The following SPRYD4 variants were observed in gnomAD, a reference collection of about 807,000 sequenced individuals.
The protein encoded by SPRYD4 is SPRY domain-containing protein 4.
A neutral mutation model predicts 16.6 loss-of-function variants in SPRYD4; 12 were observed. The ratio of observed to expected loss-of-function variants is 0.72; its 90% CI spans 0.46 to 1.17. The LOEUF is 1.17. Ranked by LOEUF, SPRYD4 falls within the 50% of genes most tolerant of loss-of-function variation. The probability of loss-of-function intolerance (pLI) is 0.00; values close to 1 mark genes in which losing one functional copy is unlikely to be tolerated. For missense variants in SPRYD4, 260 were observed against 260.2 expected (o/e 1.00, Z 0.00); for synonymous variants, 98 against 105.4 (o/e 0.93, Z 0.43).
At position 56,468,646 on chromosome 12, in the gene SPRYD4, T is replaced by C. The variant is rs773724857; in HGVS notation, c.55T>C (p.Leu19=). The change falls in exon 1 of 2, where the codon TTG becomes CTG. Residue 19 remains leucine, a synonymous_variant. Coordinates refer to ENST00000338146, the MANE Select transcript of SPRYD4 (RefSeq NM_207344.4). ...LRLCRWGAKR[L]GVASTEAQRG... is the part of the protein sequence containing the mutation. ...CTTGTGCCGCTGGGGAGCCAAACGATTGGGAGTTGCCTCCACAGAGGCCCA... is the reference window on the plus strand; with the variant it reads ...CTTGTGCCGCTGGGGAGCCAAACGACTGGGAGTTGCCTCCACAGAGGCCCA... 2.7e-5 allele frequency: 43 copies of C among 1,614,022 alleles called. No homozygotes were observed. Among genetic ancestry groups the C allele is most frequent in the Non-Finnish European group, 3.6e-5 (43 of 1,179,996 alleles).
rs755752839 is a variant in SPRYD4 at position 56,469,198 on chromosome 12, C to T, written c.245C>T (p.Ala82Val). 4 of 1,613,988 alleles carry T rather than the reference C, an allele frequency of 2.5e-6. No homozygotes were observed. In the African/African-American group the frequency reaches 4.0e-5, roughly 16 times the overall value. Residue 82 changes from alanine to valine, a missense_variant, in exon 2 of 2, where the codon GCG (alanine) becomes GTG (valine). Coordinates refer to ENST00000338146, the MANE Select transcript of SPRYD4 (RefSeq NM_207344.4). ...TGGGCAGTGGTGCTGGCAGACACAG[C>T]GGTCACCAGTGGCAGACACTACTGG... Reference protein sequence around the residue: ...REWAVVLADTAVTSGRHYWEV... With the variant: ...REWAVVLADTVVTSGRHYWEV...
chr12:56,475,841 G>T lies in SPRYD4; in HGVS notation c.*6264G>T. The T allele has an allele frequency of 2.1e-6, 3 of 1,422,150 alleles. No individual in the cohort carries two copies. The highest frequency in any genetic ancestry group is 3.0e-6 in the Non-Finnish European group (3 of 1,007,066). 88.1% of individuals were successfully genotyped at this position (1,422,150 alleles called of 1,614,324 possible). A position where few individuals can be genotyped will look rare whatever the true frequency, so the allele number is the denominator to read the frequency against. On this transcript the variant is annotated 3_prime_UTR_variant, in exon 2 of 2. Transcript: ENST00000338146. ...TTCTGGAAATAAGGCTTCTAGTATG[G>T]GCTGGTGCACCTGGTAGTGGGGTTA...
At position 56,469,546 on chromosome 12, in the gene SPRYD4, A is replaced by G. The variant is rs1869148651; in HGVS notation, c.593A>G (p.His198Arg). The G allele has an allele frequency of 1.9e-6, 3 of 1,613,984 alleles. No homozygotes were observed. Among genetic ancestry groups the G allele is most frequent in the Non-Finnish European group, 2.5e-6 (3 of 1,179,952 alleles). The change falls in exon 2 of 2, where the codon CAT becomes CGT. Residue 198 changes from histidine (H) to arginine (R), a missense_variant. Transcript: ENST00000338146. ...FALWDGELLT[H>R]SGLEVPEGL ...CTCTGGGATGGGGAGCTGCTGACCC[A>G]TTCAGGGCTTGAGGTGCCCGAGGGC...
Position 56,469,575 on chromosome 12 carries a change from T to C in SPRYD4, c.622T>C (p.Ter208GlnextTer8), listed in dbSNP as rs762398224. The C allele has an allele frequency of 1.9e-6, 3 of 1,611,694 alleles. No homozygotes were observed. Among genetic ancestry groups the C allele is most frequent in the Non-Finnish European group, 2.5e-6 (3 of 1,178,606 alleles). ...AGGGCTTGAGGTGCCCGAGGGCCTCTAGTATGTCCATTACTGGAGTCCCTA... is the reference window on the plus strand; with the variant it reads ...AGGGCTTGAGGTGCCCGAGGGCCTCCAGTATGTCCATTACTGGAGTCCCTA... The part of the protein sequence containing the change: ...HSGLEVPEGL[*>Q] The change falls in exon 2 of 2, where the codon TAG becomes CAG. Residue 208 changes from the stop codon to glutamine, a stop_lost. Transcript: ENST00000338146.
Position 56,471,947 on chromosome 12 carries a change from C to T in SPRYD4, c.*2370C>T. 3.0e-6 allele frequency: 4 copies of T among 1,318,178 alleles called. No individual in the cohort carries two copies. The highest frequency in any genetic ancestry group is 2.5e-4 in the Middle Eastern group (1 of 3,968). The allele number at this position is 1,318,178 out of a possible 1,614,324, so 81.7% of individuals were successfully genotyped here. On this transcript the variant is annotated 3_prime_UTR_variant, in exon 2 of 2. Transcript: ENST00000338146. ...GAGGGGAGGGGAAAAGGCCTCTTCC[C>T]ATTTTGTACCCTGCAGCACTCAGTC...
rs184128790 is a variant in SPRYD4, at chr12:56,478,937, T to G, written c.*9360T>G. ...AGGTGGAGGTTGCAGTGAGCTGAGA[T>G]TGCACCATTGCACTCCAGCCCGGGT... On this transcript the variant is annotated 3_prime_UTR_variant, in exon 2 of 2. Coordinates refer to ENST00000338146, the MANE Select transcript of SPRYD4 (RefSeq NM_207344.4). 5.2e-6 allele frequency: 7 copies of G among 1,337,106 alleles called. No individual in the cohort carries two copies. In the African/African-American group the frequency reaches 8.9e-5, roughly 17 times the overall value. 82.8% of individuals were successfully genotyped at this position (1,337,106 alleles called of 1,614,324 possible). A position where few individuals can be genotyped will look rare whatever the true frequency, so the allele number is the denominator to read the frequency against.
Position 56,472,597 on chromosome 12 carries a change from G to T in SPRYD4, c.*3020G>T. ...AATCTATATCCATTCTAATTCCAAA[G>T]CTGAAGCACTTAACTATTTTGTTAC... On this transcript the variant is annotated 3_prime_UTR_variant, in exon 2 of 2. Transcript: ENST00000338146. 8.6e-7 allele frequency: 1 copy of T among 1,164,218 alleles called. No individual in the cohort carries two copies. Among genetic ancestry groups the T allele is most frequent in the Non-Finnish European group, 1.3e-6 (1 of 781,660 alleles). The allele number at this position is 1,164,218 out of a possible 1,614,324, so 72.1% of individuals were successfully genotyped here.
Position 56,474,380 on chromosome 12 carries a change from G to T in SPRYD4, c.*4803G>T. ...ATCTCTTTATATATTCGAGGAACTT[G>T]GTGTTTTTGAGAAACTCGTCTAAGG... On this transcript the variant is annotated 3_prime_UTR_variant, in exon 2 of 2. Coordinates refer to ENST00000338146, the MANE Select transcript of SPRYD4 (RefSeq NM_207344.4). 1.3e-6 allele frequency: 1 copy of T among 777,888 alleles called. No individual in the cohort carries two copies. The highest frequency in any genetic ancestry group is 2.0e-6 in the Non-Finnish European group (1 of 494,140). 48.2% of individuals were successfully genotyped at this position (777,888 alleles called of 1,614,324 possible). A position where few individuals can be genotyped will look rare whatever the true frequency, so the allele number is the denominator to read the frequency against.
chr12:56,475,412 CCT>C lies in SPRYD4; in HGVS notation c.*5841_*5842del. ...GGCTTAGGCACAAACCATCACACTGCCTCTCTCATTATGTACTAATTAGAAAT... is the reference window on the plus strand; with the variant it reads ...GGCTTAGGCACAAACCATCACACTGCCTCTCATTATGTACTAATTAGAAAT... On this transcript the variant is annotated 3_prime_UTR_variant, in exon 2 of 2. Coordinates refer to ENST00000338146, the MANE Select transcript of SPRYD4 (RefSeq NM_207344.4). 1 of 703,040 alleles carries C rather than the reference CCT, an allele frequency of 1.4e-6. No homozygotes were observed. The highest frequency in any genetic ancestry group is 2.3e-6 in the Non-Finnish European group (1 of 429,964). The allele number at this position is 703,040 out of a possible 1,614,324, so 43.6% of individuals were successfully genotyped here.
Position 56,475,414 on chromosome 12 carries a change from T to G in SPRYD4, c.*5837T>G. ...CTTAGGCACAAACCATCACACTGCC[T>G]CTCTCATTATGTACTAATTAGAAAT... On this transcript the variant is annotated 3_prime_UTR_variant, in exon 2 of 2. Coordinates refer to ENST00000338146, the MANE Select transcript of SPRYD4 (RefSeq NM_207344.4). 1.4e-6 allele frequency: 1 copy of G among 701,794 alleles called. No individual in the cohort carries two copies. Among genetic ancestry groups the G allele is most frequent in the African/African-American group, 1.8e-5 (1 of 55,802 alleles). The allele number at this position is 701,794 out of a possible 1,614,324, so 43.5% of individuals were successfully genotyped here.
rs1869807019 is a variant in SPRYD4, at chr12:56,476,277, T to G, written c.*6700T>G. 1 of 361,934 alleles carries G rather than the reference T, an allele frequency of 2.8e-6. No individual in the cohort carries two copies. The allele number at this position is 361,934 out of a possible 1,614,324, so 22.4% of individuals were successfully genotyped here. A position where few individuals can be genotyped will look rare whatever the true frequency, so the allele number is the denominator to read the frequency against. ...TCCCAGGCTCAAGCGATCCTCCCACTTCAGCCTCCAAGTAGCTCGGATTAC... is the reference window on the plus strand; with the variant it reads ...TCCCAGGCTCAAGCGATCCTCCCACGTCAGCCTCCAAGTAGCTCGGATTAC... On this transcript the variant is annotated 3_prime_UTR_variant, in exon 2 of 2. Transcript: ENST00000338146.
Position 56,477,740 on chromosome 12 carries a change from AGAGTCTTAGCCACT to A in SPRYD4, c.*8166_*8179del. 1 of 1,607,896 alleles carries A rather than the reference AGAGTCTTAGCCACT, an allele frequency of 6.2e-7. No homozygotes were observed. The highest frequency in any genetic ancestry group is 8.5e-7 in the Non-Finnish European group (1 of 1,176,854). ...ATTCCTGGGGAAATACAAACCACCA[AGAGTCTTAGCCACT>A]GAACAAAGCCTCCCTGACAGCCCGC... On this transcript the variant is annotated 3_prime_UTR_variant, in exon 2 of 2. Transcript: ENST00000338146.
chr12:56,478,951 T>A lies in SPRYD4; in HGVS notation c.*9374T>A, dbSNP rs905985549. On this transcript the variant is annotated 3_prime_UTR_variant, in exon 2 of 2. Coordinates refer to ENST00000338146, the MANE Select transcript of SPRYD4 (RefSeq NM_207344.4). ...GTGAGCTGAGATTGCACCATTGCAC[T>A]CCAGCCCGGGTGACAGAGCAAAACT... The A allele has an allele frequency of 9.6e-6, 14 of 1,454,458 alleles. No individual in the cohort carries two copies. Among genetic ancestry groups the A allele is most frequent in the Non-Finnish European group, 1.3e-5 (14 of 1,095,074 alleles). 90.1% of individuals were successfully genotyped at this position (1,454,458 alleles called of 1,614,324 possible).
rs755412206 is a variant in SPRYD4 at position 56,475,975 on chromosome 12, C to T, written c.*6398C>T. 1.2e-6 allele frequency: 2 copies of T among 1,613,072 alleles called. No homozygotes were observed. Among genetic ancestry groups the T allele is most frequent in the Admixed American group, 1.7e-5 (1 of 59,980 alleles). On this transcript the variant is annotated 3_prime_UTR_variant, in exon 2 of 2. Coordinates refer to ENST00000338146, the MANE Select transcript of SPRYD4 (RefSeq NM_207344.4). ...CAAACTTCTCTGCTTTGTTACAGTC[C>T]ATCTGCAGAGAAAGAGAGAGATGTC...
At position 56,471,436 on chromosome 12, in the gene SPRYD4, G is replaced by A; in HGVS notation, c.*1859G>A. The A allele has an allele frequency of 6.4e-7, 1 of 1,557,082 alleles. No individual in the cohort carries two copies. The highest frequency in any genetic ancestry group is 8.7e-7 in the Non-Finnish European group (1 of 1,150,162). ...TATTTTTGGTGGTTATGGATTACATGTGTGGCCAGCTCATGCTTTTTCTTG... is the reference window on the plus strand; with the variant it reads ...TATTTTTGGTGGTTATGGATTACATATGTGGCCAGCTCATGCTTTTTCTTG... On this transcript the variant is annotated 3_prime_UTR_variant, in exon 2 of 2. Transcript: ENST00000338146.
In SPRYD4 at chr12:56,475,247, ATAT is replaced by A. The variant is rs1336731175; in HGVS notation, c.*5673_*5675del. On this transcript the variant is annotated 3_prime_UTR_variant, in exon 2 of 2. Coordinates refer to ENST00000338146, the MANE Select transcript of SPRYD4 (RefSeq NM_207344.4). ...AACCCCTTTATAACTTCTCACAGTA[ATAT>A]TAGAGGAAATTTCTGAACCTGAGCA... is the stretch of plus-strand genomic sequence containing the variant. 9 of 1,577,046 alleles carry A rather than the reference ATAT, an allele frequency of 5.7e-6. No homozygotes were observed. The highest frequency in any genetic ancestry group is 1.8e-5 in the Admixed American group (1 of 55,260).
chr12:56,477,743 G>C lies in SPRYD4; in HGVS notation c.*8166G>C. On this transcript the variant is annotated 3_prime_UTR_variant, in exon 2 of 2. Transcript: ENST00000338146. The stretch of plus-strand genomic sequence containing the variant: ...CCTGGGGAAATACAAACCACCAAGA[G>C]TCTTAGCCACTGAACAAAGCCTCCC... 6.2e-7 allele frequency: 1 copy of C among 1,603,570 alleles called. No individual in the cohort carries two copies. The highest frequency in any genetic ancestry group is 1.7e-5 in the Admixed American group (1 of 57,930).
rs1869351619 is a variant in SPRYD4 at position 56,472,256 on chromosome 12, T to C, written c.*2679T>C. 6.9e-7 allele frequency: 1 copy of C among 1,458,960 alleles called. No homozygotes were observed. The highest frequency in any genetic ancestry group is 9.6e-7 in the Non-Finnish European group (1 of 1,040,078). 90.4% of individuals were successfully genotyped at this position (1,458,960 alleles called of 1,614,324 possible). ...ATCAGACTGGAATCACAGGTGTTCT[T>C]TGTGAACTGGTGTCAGACTGGATGA... is the stretch of plus-strand genomic sequence containing the variant. On this transcript the variant is annotated 3_prime_UTR_variant, in exon 2 of 2. Transcript: ENST00000338146.
At position 56,475,251 on chromosome 12, in the gene SPRYD4, T is replaced by C; in HGVS notation, c.*5674T>C. 1 of 1,571,218 alleles carries C rather than the reference T, an allele frequency of 6.4e-7. No individual in the cohort carries two copies. Among genetic ancestry groups the C allele is most frequent in the Non-Finnish European group, 8.6e-7 (1 of 1,163,588 alleles). On this transcript the variant is annotated 3_prime_UTR_variant, in exon 2 of 2. Coordinates refer to ENST00000338146, the MANE Select transcript of SPRYD4 (RefSeq NM_207344.4). ...CCTTTATAACTTCTCACAGTAATAT[T>C]AGAGGAAATTTCTGAACCTGAGCAA...
Sources: gnomAD v4.1 joint callset for allele counts on GRCh38, gnomAD v4.1.1 for gene constraint, MANE v1.5 for transcripts, NCBI Gene and HGNC (gene_info 2026-07-23, HGNC 2026-07-21) for gene names.